Variants in AFF3 observed in about 807,000 individuals in gnomAD.
AFF3 encodes the protein ALF transcription elongation factor 3, also known as AF4/FMR2 family member 3.
A neutral mutation model predicts 129.7 loss-of-function variants in AFF3; 32 were observed. That is an observed-to-expected ratio of 0.25 (90% CI 0.19 to 0.33). The LOEUF is 0.33. AFF3 is among the 10% of genes least tolerant of loss of function. The pLI is 1.00. For synonymous variants in AFF3, 644 were observed against 635.4 expected (o/e 1.01, Z -0.20); for missense variants, 1,373 against 1,592.0 (o/e 0.86, Z 2.34).
chr2:99,867,960 C>T (rs1691558991), intron 7 of AFF3, among the ~76,000 whole-genome samples: 1 of 152,116 alleles, frequency 6.6e-6, no homozygotes, highest in Non-Finnish European at 1.5e-5. Flanking sequence ...GATTAGCGTT[C>T]CCCCACAGCT....
chr2:99,887,977 GATTCTGAGAACT>G, intron 7 of AFF3, among the ~76,000 whole-genome samples: 1 of 152,208 alleles, frequency 6.6e-6, no homozygotes, highest in Non-Finnish European at 1.5e-5. Context: ...GGACGTCCAT[GATTCTGAGAACT>G]AGCTCTCTGC....
At position 99,549,523 on chromosome 2, in the gene AFF3, T is replaced by C. The variant is rs1215910503; in HGVS notation, c.*1951A>G. The stretch of plus-strand genomic sequence containing the variant: ...TCACTTGAACCCAGGAGGCAGAGGA[T>C]GCAGTGAGCCGAGATCGTGCCACTG... On this transcript the variant is annotated 3_prime_UTR_variant, in exon 25 of 25. Transcript: ENST00000672756. 3 of 182,494 alleles carry C rather than the reference T, an allele frequency of 1.6e-5. No individual in the cohort carries two copies. Among genetic ancestry groups the C allele is most frequent in the Admixed American group, 1.3e-4 (2 of 15,960 alleles). The allele number at this position is 182,494 out of a possible 1,614,324, so 11.3% of individuals were successfully genotyped here. A position where few individuals can be genotyped will look rare whatever the true frequency, so the allele number is the denominator to read the frequency against.
chr2:99,821,476 A>G (rs1169299253), intron 8 of AFF3, among the ~76,000 whole-genome samples: 1 of 26,080 alleles, frequency 3.8e-5, no homozygotes, highest in Non-Finnish European at 1.6e-4. Context: ...AGCTAAAAAA[A>G]AGAAAAAAAG....
chr2:99,835,555 A>G (rs1688807233), intron 8 of AFF3, among the ~76,000 whole-genome samples: 1 of 92,060 alleles, frequency 1.1e-5, no homozygotes, highest in African/African-American at 3.1e-5. Context: ...GGAGCTCCCC[A>G]AATACCAACT....
At chr2:100,027,482 A>C (rs905796682) in intron 4 of AFF3, among the ~76,000 whole-genome samples, 4 of 152,200 alleles carry the variant, frequency 2.6e-5, no homozygotes, top group African/African-American at 9.6e-5. Context: ...ATTTATAGAT[A>C]GATAACAATT....
chr2:99,671,802 CT>C lies in AFF3; in HGVS notation c.1143+735del, dbSNP rs557119089. Among the ~76,000 whole-genome samples the C allele has an allele frequency of 2.6e-5, 4 of 152,218 alleles. No homozygotes were observed. The East Asian group carries it at 7.7e-4, about 29-fold the overall frequency. ...AAAACAGAAGTGTAGAAAAATCTGT[CT>C]TTAGTGTTTTTAAACTTGCTTTGAA... On this transcript the variant is annotated intron_variant, in intron 12 of 24. Transcript: ENST00000672756.
chr2:99,795,882 C>T (rs1365979715), intron 8 of AFF3, among the ~76,000 whole-genome samples: 2 of 152,022 alleles, frequency 1.3e-5, no homozygotes, highest in East Asian at 3.9e-4. Context: ...GCCTCCTCTT[C>T]TAGACTAGGT....
At chr2:99,808,458 C>T (rs1392422967) in intron 8 of AFF3, among the ~76,000 whole-genome samples, 1 of 152,148 alleles carries the variant, frequency 6.6e-6, no homozygotes, top group Non-Finnish European at 1.5e-5. Context: ...GGTACCAGAA[C>T]TCTATTTGTC....
chr2:99,718,599 A>G (rs1390673192), intron 11 of AFF3, among the ~76,000 whole-genome samples: 1 of 152,094 alleles, frequency 6.6e-6, no homozygotes, highest in African/African-American at 2.4e-5. Context: ...CTTTATGTCT[A>G]CTACTTCCTT....
At chr2:99,939,945 T>C (rs1390393087) in intron 7 of AFF3, among the ~76,000 whole-genome samples, 1 of 152,212 alleles carries the variant, frequency 6.6e-6, no homozygotes, top group Non-Finnish European at 1.5e-5. Context: ...GGGGCCTATA[T>C]AGCTTTAGAT....
intron 7 of AFF3, among the ~76,000 whole-genome samples, chr2:99,974,682 G>C (rs1678707222): frequency 6.6e-6 from 1 of 152,190 alleles, no homozygotes; most frequent in Non-Finnish European, 1.5e-5. Context: ...GCAGTGAAGG[G>C]TCTCTTCTGA....
chr2:100,069,254 G>C (rs367956354), intron 4 of AFF3, among the ~76,000 whole-genome samples: 1 of 152,020 alleles, frequency 6.6e-6, no homozygotes, highest in African/African-American at 2.4e-5. Context: ...GTGTTTATTA[G>C]AATCAAATGG....
intron 7 of AFF3, among the ~76,000 whole-genome samples, chr2:99,896,982 A>G (rs569462253): frequency 6.6e-6 from 1 of 152,124 alleles, no homozygotes; most frequent in Admixed American, 6.5e-5. Flanking sequence ...CCAGGTGTAC[A>G]TGAACTGTTT....
At chr2:99,983,304 T>G (rs896561327) in intron 7 of AFF3, among the ~76,000 whole-genome samples, 1 of 152,194 alleles carries the variant, frequency 6.6e-6, no homozygotes, top group Non-Finnish European at 1.5e-5. Flanking sequence ...TCCATCCTGC[T>G]TTGAATGGTT....
At chr2:99,763,531 G>C (rs186758535) in intron 8 of AFF3, among the ~76,000 whole-genome samples, 20 of 151,562 alleles carry the variant, frequency 1.3e-4, no homozygotes, top group Admixed American at 8.5e-4. Flanking sequence ...CGGGGTGACA[G>C]AGGGAGACCC....
intron 10 of AFF3, among the ~76,000 whole-genome samples, chr2:99,734,883 T>C (rs1020275346): frequency 7.9e-5 from 12 of 152,134 alleles, no homozygotes; most frequent in Admixed American, 7.2e-4. Flanking sequence ...TGCCTTGATA[T>C]AATGAGTTGA....
intron 10 of AFF3, 54 bp downstream of exon 10, chr2:99,744,050 T>C: frequency 8.0e-7 from 1 of 1,251,842 alleles, no homozygotes. Context: ...CCTTCTGCCC[T>C]CTGCCCCCAC....
intron 4 of AFF3, among the ~76,000 whole-genome samples, chr2:100,061,859 G>A (rs559484732): frequency 2.3e-5 from 3 of 128,454 alleles, no homozygotes; most frequent in East Asian, 2.0e-4. Flanking sequence ...CACAGTGGAG[G>A]GGGGGGGGGT....
intron 12 of AFF3, among the ~76,000 whole-genome samples, chr2:99,652,134 C>A (rs191230097): frequency 6.6e-6 from 1 of 152,268 alleles, no homozygotes; most frequent in Admixed American, 6.5e-5. Flanking sequence ...ATGAATCAGT[C>A]AGGAAAGCCT....
Sources: allele counts gnomAD v4.1 joint callset (sites outside exome capture counted in the v4.1 genomes callset), GRCh38; gene constraint gnomAD v4.1.1; transcripts MANE v1.5; gene names NCBI Gene and HGNC (gene_info 2026-07-23, HGNC 2026-07-21).